Variants in RANBP17 observed in about 807,000 individuals in gnomAD.
RANBP17 encodes the protein ran-binding protein 17.
RANBP17 carries 158 observed loss-of-function variants against 141.2 expected under a neutral mutation model. The ratio of observed to expected loss-of-function variants is 1.12; its 90% confidence interval spans 0.98 to 1.28. RANBP17 has a LOEUF of 1.28. Ranked by LOEUF, RANBP17 falls within the 50% of genes most tolerant of loss-of-function variation. The pLI, the probability that RANBP17 is intolerant of heterozygous loss-of-function variation, is 0.00. For missense variants in RANBP17, 1,438 were observed against 1,290.7 expected (o/e 1.11, Z -1.75); for synonymous variants, 430 against 450.0 (o/e 0.96, Z 0.56).
chr5:170,914,295 G>A, intron 8 of RANBP17, 55 bp downstream of exon 8: 2 of 1,122,474 alleles, frequency 1.8e-6, no homozygotes, highest in Non-Finnish European at 2.7e-6. Context: ...AATAAGGGGT[G>A]GTATATATTT....
intron 25 of RANBP17, among the ~76,000 whole-genome samples, chr5:171,275,437 A>G (rs994431918): frequency 6.6e-6 from 1 of 152,192 alleles, no homozygotes; most frequent in Non-Finnish European, 1.5e-5. Flanking sequence ...GAATAGATTC[A>G]TTCTTCCTGT....
At position 170,918,586 on chromosome 5, in the gene RANBP17, C is replaced by G. The variant is rs1772169679; in HGVS notation, c.955-127C>G. 8 of 591,480 alleles carry G rather than the reference C, an allele frequency of 1.4e-5. No individual in the cohort carries two copies. The South Asian group carries it at 3.3e-4, about 25-fold the overall frequency. The allele number at this position is 591,480 out of a possible 1,614,324, so 36.6% of individuals were successfully genotyped here. A position where few individuals can be genotyped will look rare whatever the true frequency, so the allele number is the denominator to read the frequency against. On this transcript the variant is annotated intron_variant, in intron 9 of 27. Transcript: ENST00000523189. ...TCTATTTTTTTACATTGTTAACTAC[C>G]CAATTGACACAGAGTATTTTAAGTA...
intron 14 of RANBP17, among the ~76,000 whole-genome samples, chr5:171,147,669 C>T (rs954596284): frequency 1.3e-5 from 2 of 152,126 alleles, no homozygotes; most frequent in African/African-American, 4.8e-5. Flanking sequence ...CCACTTCAGC[C>T]TCCCAAAGTA....
chr5:171,248,865 CCA>C, intron 24 of RANBP17, among the ~76,000 whole-genome samples: 1 of 152,328 alleles, frequency 6.6e-6, no homozygotes, highest in Non-Finnish European at 1.5e-5. Context: ...CTTCCATCAC[CCA>C]TGCCACGTGG....
intron 25 of RANBP17, among the ~76,000 whole-genome samples, chr5:171,268,054 G>A (rs1300193244): frequency 1.3e-5 from 2 of 152,140 alleles, no homozygotes; most frequent in Non-Finnish European, 1.5e-5. Context: ...CCCTGGAACT[G>A]TTACAACATG....
At chr5:170,894,346 T>G (rs1769915598) in intron 4 of RANBP17, among the ~76,000 whole-genome samples, 1 of 152,184 alleles carries the variant, frequency 6.6e-6, no homozygotes, top group African/African-American at 2.4e-5. Flanking sequence ...TCAAGCTCCC[T>G]CTTTAGTGGC....
intron 9 of RANBP17, among the ~76,000 whole-genome samples, chr5:170,917,947 G>C (rs1293505216): frequency 6.6e-6 from 1 of 151,902 alleles, no homozygotes; most frequent in Non-Finnish European, 1.5e-5. Flanking sequence ...ATATTTCATG[G>C]AGCTCCTATG....
chr5:170,933,286 T>G (rs1773557223), intron 12 of RANBP17, among the ~76,000 whole-genome samples: 1 of 152,198 alleles, frequency 6.6e-6, no homozygotes, highest in Non-Finnish European at 1.5e-5. Context: ...ATTGTGTCTA[T>G]TTGATTCCTC....
At chr5:171,056,891 T>C (rs1310638433) in intron 14 of RANBP17, among the ~76,000 whole-genome samples, 1 of 152,146 alleles carries the variant, frequency 6.6e-6, no homozygotes, top group Non-Finnish European at 1.5e-5. Flanking sequence ...CGGTCTCTTT[T>C]CTTTTCCTCC....
chr5:170,863,973 A>G (rs866919771), intron 1 of RANBP17, among the ~76,000 whole-genome samples: 1 of 152,238 alleles, frequency 6.6e-6, no homozygotes, highest in Non-Finnish European at 1.5e-5. Flanking sequence ...AATTCTTTTT[A>G]GCATATAGGA....
At chr5:171,085,361 T>G in intron 14 of RANBP17, among the ~76,000 whole-genome samples, 1 of 112,076 alleles carries the variant, frequency 8.9e-6, no homozygotes, top group Non-Finnish European at 1.9e-5. Context: ...TTTTGGTTAC[T>G]GTAGCCTTGT....
chr5:170,944,401 A>G (rs1003876700), intron 12 of RANBP17, among the ~76,000 whole-genome samples: 2 of 152,108 alleles, frequency 1.3e-5, no homozygotes, highest in Non-Finnish European at 2.9e-5. Context: ...TGAGTTGCTG[A>G]GATTACAGGC....
intron 14 of RANBP17, among the ~76,000 whole-genome samples, chr5:171,131,962 TTA>T (rs1304041414): frequency 6.6e-6 from 1 of 152,226 alleles, no homozygotes; most frequent in African/African-American, 2.4e-5. Flanking sequence ...CTGCTACTGA[TTA>T]TGTTTTGTCA....
In RANBP17 at chr5:171,204,111, T is replaced by C. The variant is rs572892826; in HGVS notation, c.2143-1413T>C. Among the ~76,000 whole-genome samples the C allele has an allele frequency of 7.2e-5, 11 of 152,198 alleles. No homozygotes were observed. In the South Asian group the frequency reaches 2.3e-3, roughly 32 times the overall value. ...GAACTACAAGGAGGCCAGCTGGTTA[T>C]AGAAAAATAAGAACTGGTGAGAGTA... On this transcript the variant is annotated intron_variant, in intron 19 of 27. Transcript: ENST00000523189.
intron 6 of RANBP17, chr5:170,910,014 C>G (rs1771405563): frequency 6.9e-6 from 2 of 288,386 alleles, no homozygotes; most frequent in African/African-American, 4.4e-5. Flanking sequence ...GTTTCATTGC[C>G]TTCCCAGTGT....
rs376924537 is a variant in RANBP17 at position 171,244,724 on chromosome 5, A to G, written c.2776+1904A>G. Reference sequence around the variant, plus strand: ...GGCCTCCCAAATCACTGGGATTACAAGCATGAACCCCCATGCCTGGACTTC... The same window carrying G: ...GGCCTCCCAAATCACTGGGATTACAGGCATGAACCCCCATGCCTGGACTTC... On this transcript the variant is annotated intron_variant, in intron 24 of 27. Transcript: ENST00000523189. Among the ~76,000 whole-genome samples, 193 of 152,268 alleles carry G rather than the reference A, an allele frequency of 1.3e-3. 9 individuals carry two copies. In the South Asian group the frequency reaches 0.039, roughly 30 times the overall value.
chr5:170,925,276 C>A (rs1839784), intron 12 of RANBP17, among the ~76,000 whole-genome samples: 11 of 151,952 alleles, frequency 7.2e-5, no homozygotes, highest in African/African-American at 1.4e-4. Context: ...GAAGATTATC[C>A]TTTACATTTG....
chr5:170,977,068 G>A lies in RANBP17; in HGVS notation c.1710+8691G>A, dbSNP rs954378790. Among the ~76,000 whole-genome samples, 4 of 151,930 alleles carry A rather than the reference G, an allele frequency of 2.6e-5. 1 individual carries two copies. Among genetic ancestry groups the A allele is most frequent in the African/African-American group, 9.7e-5 (4 of 41,386 alleles). On this transcript the variant is annotated intron_variant, in intron 14 of 27. Coordinates refer to ENST00000523189, the MANE Select transcript of RANBP17 (RefSeq NM_022897.5). ...ATTGAAAGCGCAACCTACAAAAATG[G>A]GAGAAGATATTTGCATATCATATAT...
intron 14 of RANBP17, among the ~76,000 whole-genome samples, chr5:171,047,141 C>T (rs1023761603): frequency 1.3e-4 from 20 of 151,160 alleles, no homozygotes; most frequent in African/African-American, 4.4e-4. Flanking sequence ...CTTCACTTCC[C>T]GAGTAGCTGG....
Sources: gnomAD v4.1 joint callset for allele counts (sites outside exome capture counted in the v4.1 genomes callset) on GRCh38, gnomAD v4.1.1 for gene constraint, MANE v1.5 for transcripts, NCBI Gene and HGNC (gene_info 2026-07-23, HGNC 2026-07-21) for gene names.